Variants in PIAS1 observed in about 807,000 individuals in gnomAD.
The protein encoded by PIAS1 is E3 SUMO-protein ligase PIAS1.
Under a neutral mutation model 71.3 loss-of-function variants are expected in PIAS1, and 6 were observed. That is an observed-to-expected ratio of 0.08 (90% CI 0.05 to 0.17). PIAS1 has a LOEUF of 0.17. Among genes scored for constraint, PIAS1 ranks in the 10% least tolerant of loss-of-function variants. The pLI, the probability that PIAS1 is intolerant of heterozygous loss-of-function variation, is 1.00. For missense variants in PIAS1, 555 were observed against 793.6 expected (o/e 0.70, Z 3.61); for synonymous variants, 303 against 292.9 (o/e 1.03, Z -0.35).
In PIAS1 at chr15:68,136,274, G is replaced by C. The variant is rs370986750; in HGVS notation, c.470-5672G>C. Among the ~76,000 whole-genome samples, 4 of 55,314 alleles carry C rather than the reference G, an allele frequency of 7.2e-5. 2 individuals are homozygous for C. Among genetic ancestry groups the C allele is most frequent in the African/African-American group, 1.5e-4 (4 of 25,890 alleles). 36.3% of individuals were successfully genotyped at this position (55,314 alleles called of 152,430 possible). On this transcript the variant is annotated intron_variant, in intron 2 of 13. Coordinates refer to ENST00000249636, the MANE Select transcript of PIAS1 (RefSeq NM_016166.3). ...GCGGCTGGGAGGTGGAGGTTGTAGC[G>C]AGCCGAGGTCACGCCACTGCACTCC...
Position 68,086,140 on chromosome 15 carries a change from T to TA in PIAS1, c.25-164dup, listed in dbSNP as rs2140981788. ...TTAATTTTAAATTTCTTTGGTTACT[T>TA]AACGTTAAATGATTAAATTTGAAGT... is the stretch of plus-strand genomic sequence containing the variant. On this transcript the variant is annotated intron_variant, in intron 1 of 13. Coordinates refer to ENST00000249636, the MANE Select transcript of PIAS1 (RefSeq NM_016166.3). The surrounding 1 kb of genome is among the most constrained non-coding windows in gnomAD (Gnocchi z 7.2). Among the ~76,000 whole-genome samples, 1 of 152,346 alleles carries TA rather than the reference T, an allele frequency of 6.6e-6. No individual in the cohort carries two copies. Among genetic ancestry groups the TA allele is most frequent in the Non-Finnish European group, 1.5e-5 (1 of 68,026 alleles).
intron 2 of PIAS1, among the ~76,000 whole-genome samples, chr15:68,101,332 GTTTT>G (rs35754942): frequency 7.3e-6 from 1 of 137,294 alleles, no homozygotes; most frequent in Non-Finnish European, 1.6e-5. Context: ...TAATTGCAGT[GTTTT>G]TTTTTTTTTT....
chr15:68,172,977 C>T (rs946546459), intron 8 of PIAS1, among the ~76,000 whole-genome samples: 3 of 152,214 alleles, frequency 2.0e-5, no homozygotes, highest in Admixed American at 1.3e-4. Context: ...CACCTGCCTT[C>T]CTCCTCAGAG....
At chr15:68,118,056 G>A (rs2092580327) in intron 2 of PIAS1, among the ~76,000 whole-genome samples, 1 of 152,144 alleles carries the variant, frequency 6.6e-6, no homozygotes, top group South Asian at 2.1e-4. Flanking sequence ...GCCAGGTGCA[G>A]TGGCTCACGC....
intron 1 of PIAS1, among the ~76,000 whole-genome samples, chr15:68,078,999 A>G (rs2092199611): frequency 6.6e-6 from 1 of 151,686 alleles, no homozygotes; most frequent in African/African-American, 2.4e-5. Context: ...ACAATGTTGA[A>G]TTTTGAAATT....
At chr15:68,163,448 C>T (rs1239254651) in intron 7 of PIAS1, among the ~76,000 whole-genome samples, 2 of 152,128 alleles carry the variant, frequency 1.3e-5, no homozygotes, top group Non-Finnish European at 2.9e-5. Flanking sequence ...GCATTAGAAT[C>T]ATATCTGGAG....
intron 7 of PIAS1, among the ~76,000 whole-genome samples, chr15:68,159,123 ACT>A (rs2092908924): frequency 6.6e-6 from 1 of 152,196 alleles, no homozygotes. Flanking sequence ...ATAATAAAAT[ACT>A]GTTAGCACTG....
At chr15:68,078,617 T>G (rs1478578516) in intron 1 of PIAS1, among the ~76,000 whole-genome samples, 2 of 152,200 alleles carry the variant, frequency 1.3e-5, no homozygotes, top group African/African-American at 4.8e-5. Flanking sequence ...GATAAGACAT[T>G]GTATTAGTTA....
intron 1 of PIAS1, among the ~76,000 whole-genome samples, chr15:68,075,475 C>A (rs1236273278): frequency 6.6e-6 from 1 of 152,136 alleles, no homozygotes; most frequent in African/African-American, 2.4e-5. Flanking sequence ...TCATAATAAT[C>A]TGTTCTGAAG....
intron 3 of PIAS1, 98 bp from the exon 4 acceptor site, chr15:68,142,189 TATG>T (rs2141047764): frequency 9.5e-7 from 1 of 1,055,078 alleles, no homozygotes; most frequent in East Asian, 2.6e-5. Flanking sequence ...CAGTTATATT[TATG>T]ATAATTTGAA....
At position 68,193,833 on chromosome 15, in the gene PIAS1, G is replaced by A. The variant is rs2093131066; in HGVS notation, c.*5998G>A. The A allele has an allele frequency of 3.6e-6, 2 of 557,524 alleles. No individual in the cohort carries two copies. Among genetic ancestry groups the A allele is most frequent in the Middle Eastern group, 3.6e-4 (1 of 2,790 alleles). The allele number at this position is 557,524 out of a possible 1,614,324, so 34.5% of individuals were successfully genotyped here. A position where few individuals can be genotyped will look rare whatever the true frequency, so the allele number is the denominator to read the frequency against. ...AAATCAATACAAATCTTTTATTAAA[G>A]ATCTACTCATACCATGGCTGAAATC... On this transcript the variant is annotated 3_prime_UTR_variant, in exon 14 of 14. Coordinates refer to ENST00000249636, the MANE Select transcript of PIAS1 (RefSeq NM_016166.3).
chr15:68,135,611 G>C (rs1257434846), intron 2 of PIAS1, among the ~76,000 whole-genome samples: 1 of 67,768 alleles, frequency 1.5e-5, no homozygotes, highest in Admixed American at 1.3e-4. Flanking sequence ...GTGGCTGGCC[G>C]GGCGGGGGGC....
chr15:68,104,521 T>G (rs955020137), intron 2 of PIAS1, among the ~76,000 whole-genome samples: 1 of 152,210 alleles, frequency 6.6e-6, no homozygotes, highest in Admixed American at 6.5e-5. Context: ...CATAGTTGTT[T>G]CTTCAAAATT....
chr15:68,101,357 A>G (rs1354882117), intron 2 of PIAS1, among the ~76,000 whole-genome samples: 15 of 126,240 alleles, frequency 1.2e-4, no homozygotes, highest in African/African-American at 4.4e-4. Context: ...TTAACTTATG[A>G]GTTTTCAGAG....
chr15:68,111,800 GGA>G (rs1171752648), intron 2 of PIAS1, among the ~76,000 whole-genome samples: 1 of 151,916 alleles, frequency 6.6e-6, no homozygotes, highest in Non-Finnish European at 1.5e-5. Context: ...AAACTAAGGG[GGA>G]ATATTTGAAA....
chr15:68,079,768 C>T (rs11633140), intron 1 of PIAS1, among the ~76,000 whole-genome samples: 72,648 of 151,576 alleles, frequency 0.48, 18,199 homozygotes, highest in Middle Eastern at 0.57. Flanking sequence ...TGTGAGCCAC[C>T]ACACCTGGCC....
chr15:68,060,851 T>C (rs150072965), intron 1 of PIAS1, among the ~76,000 whole-genome samples: 2,611 of 152,282 alleles, frequency 0.017, 81 homozygotes, highest in African/African-American at 0.06. Flanking sequence ...GCCCAGCTAA[T>C]TTTTGTATTT....
rs2093001328 is a variant in PIAS1 at position 68,173,039 on chromosome 15, C to T, written c.1009-693C>T. 6.6e-6 allele frequency among the ~76,000 whole-genome samples: 1 copy of T among 152,226 alleles called. No individual in the cohort carries two copies. Among genetic ancestry groups the T allele is most frequent in the African/African-American group, 2.4e-5 (1 of 41,446 alleles). Reference sequence around the variant, plus strand: ...TCATGGGGAATGATCACTATTGATTCAGTTTTGTCCTGTGAACTACTTTCA... The same window carrying T: ...TCATGGGGAATGATCACTATTGATTTAGTTTTGTCCTGTGAACTACTTTCA... On this transcript the variant is annotated intron_variant, in intron 8 of 13. Transcript: ENST00000249636. This position sits in a 1 kb window ranked among gnomAD's most constrained non-coding sequence, Gnocchi z 4.3.
chr15:68,118,765 G>T (rs893891753), intron 2 of PIAS1, among the ~76,000 whole-genome samples: 1 of 152,076 alleles, frequency 6.6e-6, no homozygotes, highest in Non-Finnish European at 1.5e-5. Flanking sequence ...TCTGCTAGCC[G>T]TATGTATGTC....
Sources: gnomAD v4.1 joint callset for allele counts (sites outside exome capture counted in the v4.1 genomes callset) on GRCh38, gnomAD v4.1.1 for gene constraint, Gnocchi (gnomAD v3.1) non-coding constraint, MANE v1.5 for transcripts, NCBI Gene and HGNC (gene_info 2026-07-23, HGNC 2026-07-21) for gene names.